Variants in UBA2 observed in about 807,000 individuals in gnomAD.
UBA2 encodes the protein ubiquitin like modifier activating enzyme 2.
In UBA2, 11 loss-of-function variants were observed where a neutral mutation model predicts 77.2. That is an observed-to-expected ratio of 0.14 (90% confidence interval 0.09 to 0.24). UBA2 has a LOEUF of 0.24. Ranked by LOEUF, UBA2 falls within the 10% of genes least tolerant of loss-of-function variation. UBA2 has a pLI of 1.00. For missense variants in UBA2, 487 were observed against 781.7 expected (o/e 0.62, Z 4.50); for synonymous variants, 278 against 276.7 (o/e 1.00, Z -0.05).
chr19:34,444,255 A>C (rs919276444), intron 7 of UBA2, among the ~76,000 whole-genome samples: 2 of 151,862 alleles, frequency 1.3e-5, no homozygotes, highest in African/African-American at 4.8e-5. Flanking sequence ...ACAGGGTTTC[A>C]CCATGTTAGC....
chr19:34,447,187 G>A (rs2075441503), intron 8 of UBA2, among the ~76,000 whole-genome samples: 1 of 152,244 alleles, frequency 6.6e-6, no homozygotes, highest in East Asian at 1.9e-4. Context: ...TGTAGGCTGG[G>A]AGGCTAGGCC....
chr19:34,431,135 A>G (rs1190538845), intron 2 of UBA2, among the ~76,000 whole-genome samples: 1 of 149,228 alleles, frequency 6.7e-6, no homozygotes, highest in Non-Finnish European at 1.5e-5. Flanking sequence ...TTTTTCTTTC[A>G]TATTTTGGCT....
rs562445002 is a variant in UBA2, at chr19:34,444,058, T to G, written c.649+147T>G. On this transcript the variant is annotated intron_variant, in intron 7 of 16. Coordinates refer to ENST00000246548, the MANE Select transcript of UBA2 (RefSeq NM_005499.3). ...GTTTTTTTTTTGTTTTTTTTTTTTTTTTTTTTTTTTGTCTCAGAGGTGGAG... is the reference window on the plus strand; with the variant it reads ...GTTTTTTTTTTGTTTTTTTTTTTTTGTTTTTTTTTTGTCTCAGAGGTGGAG... 6.5e-4 allele frequency: 310 copies of G among 475,264 alleles called. 6 individuals are homozygous for G. Among genetic ancestry groups the G allele is most frequent in the South Asian group, 1.3e-3 (53 of 40,450 alleles). The allele number at this position is 475,264 out of a possible 1,614,324, so 29.4% of individuals were successfully genotyped here.
At chr19:34,433,829 G>A (rs943311289) in intron 4 of UBA2, among the ~76,000 whole-genome samples, 1 of 152,156 alleles carries the variant, frequency 6.6e-6, no homozygotes, top group Non-Finnish European at 1.5e-5. Context: ...GTGGTGGCAT[G>A]TGCCTGTAGT....
At chr19:34,459,479 T>G (rs1021692100) in intron 13 of UBA2, among the ~76,000 whole-genome samples, 1 of 152,138 alleles carries the variant, frequency 6.6e-6, no homozygotes, top group Non-Finnish European at 1.5e-5. Context: ...TACACACTTA[T>G]CTAATATGAC....
chr19:34,453,234 A>G (rs1402290509), intron 10 of UBA2, among the ~76,000 whole-genome samples: 1 of 152,216 alleles, frequency 6.6e-6, no homozygotes, highest in African/African-American at 2.4e-5. Flanking sequence ...CAGCCAATAA[A>G]TACATAAAGA....
In UBA2 at chr19:34,466,110, C is replaced by T. The variant is rs530467813; in HGVS notation, c.1605-768C>T. Among the ~76,000 whole-genome samples the T allele has an allele frequency of 5.9e-5, 9 of 151,602 alleles. No individual in the cohort carries two copies. In the South Asian group the frequency reaches 1.3e-3, roughly 21 times the overall value. On this transcript the variant is annotated intron_variant, in intron 15 of 16. Transcript: ENST00000246548. ...CAGCACTTTGGGAGGCTGAGGCGGG[C>T]GGATCACAGGCTCAGGGGTTCAAAA...
chr19:34,451,534 CA>C (rs2075496106), intron 9 of UBA2, among the ~76,000 whole-genome samples: 1 of 118,574 alleles, frequency 8.4e-6, no homozygotes, highest in African/African-American at 3.0e-5. Context: ...TCAGGTTTAA[CA>C]GTTTTTTTTT....
intron 2 of UBA2, among the ~76,000 whole-genome samples, chr19:34,430,974 A>G (rs563197399): frequency 3.7e-4 from 56 of 152,238 alleles, no homozygotes; most frequent in South Asian, 2.7e-3. Context: ...TGGGGGCTAG[A>G]GGAGCGTTAT....
intron 12 of UBA2, among the ~76,000 whole-genome samples, chr19:34,457,676 A>C (rs1219626374): frequency 3.9e-5 from 6 of 152,098 alleles, no homozygotes; most frequent in Admixed American, 2.0e-4. Flanking sequence ...TCTCAGGGGA[A>C]TCCGTAGAGT....
chr19:34,446,816 A>G (rs1171708765), intron 8 of UBA2, among the ~76,000 whole-genome samples: 1 of 151,988 alleles, frequency 6.6e-6, no homozygotes, highest in Admixed American at 6.6e-5. Flanking sequence ...CATATTGGCC[A>G]GGCTGGTCTC....
chr19:34,435,628 G>A (rs188617132), intron 5 of UBA2, among the ~76,000 whole-genome samples: 1 of 151,268 alleles, frequency 6.6e-6, no homozygotes, highest in Non-Finnish European at 1.5e-5. Context: ...TCAGGAGTTC[G>A]AGACCAGCCT....
chr19:34,450,205 T>C, intron 8 of UBA2, 60 bp from the exon 9 acceptor site: 2 of 1,199,462 alleles, frequency 1.7e-6, no homozygotes, highest in Non-Finnish European at 2.4e-6. Flanking sequence ...CAATGACGTT[T>C]TCTTGTATCT....
At chr19:34,466,424 T>C (rs1599938251) in intron 15 of UBA2, among the ~76,000 whole-genome samples, 3 of 152,354 alleles carry the variant, frequency 2.0e-5, no homozygotes, top group East Asian at 3.9e-4. Context: ...CAAGAGTTGC[T>C]TTAGGCCACC....
At position 34,434,855 on chromosome 19, in the gene UBA2, G is replaced by A. The variant is rs1302448035; in HGVS notation, c.359-13G>A. ...TTTTTCCCAAAAACTCATACTGTTT[G>A]TTTTACTTCCAGCTGCCCGAAACCA... On this transcript the variant is annotated splice_polypyrimidine_tract_variant and intron_variant, in intron 4 of 16. Coordinates refer to ENST00000246548, the MANE Select transcript of UBA2 (RefSeq NM_005499.3). The A allele has an allele frequency of 1.3e-6, 2 of 1,583,976 alleles. No individual in the cohort carries two copies. The highest frequency in any genetic ancestry group is 8.6e-7 in the Non-Finnish European group (1 of 1,161,492).
rs1307742970 is a variant in UBA2, at chr19:34,469,797, T to C, written c.*576T>C. On this transcript the variant is annotated 3_prime_UTR_variant, in exon 17 of 17. Transcript: ENST00000246548. ...GTGTAAGAAGCCAATTTTTGTGTAT[T>C]GTTACAGTTTCAGGTTATTTATATT... The C allele has an allele frequency of 6.6e-6, 1 of 152,620 alleles. No homozygotes were observed. The highest frequency in any genetic ancestry group is 2.4e-5 in the African/African-American group (1 of 41,454). The allele number at this position is 152,620 out of a possible 1,614,324, so 9.5% of individuals were successfully genotyped here. A position where few individuals can be genotyped will look rare whatever the true frequency, so the allele number is the denominator to read the frequency against.
chr19:34,462,860 C>T (rs1180480308), intron 14 of UBA2, among the ~76,000 whole-genome samples: 6 of 152,032 alleles, frequency 3.9e-5, no homozygotes, highest in South Asian at 2.1e-4. Context: ...TTTGGGAGGC[C>T]GAGGTGGGTG....
Position 34,428,540 on chromosome 19 carries a change from C to G in UBA2, c.108C>G (p.Leu36=). 1 of 1,306,796 alleles carries G rather than the reference C, an allele frequency of 7.7e-7. No homozygotes were observed. Among genetic ancestry groups the G allele is most frequent in the Non-Finnish European group, 9.8e-7 (1 of 1,019,436 alleles). The allele number at this position is 1,306,796 out of a possible 1,614,324, so 81.0% of individuals were successfully genotyped here. ...TCGGCTGCGAGCTCCTCAAGAATCT[C>G]GTGCTCACCGGTTTCTCCCACATCG... ...GGIGCELLKN[L]VLTGFSHIDL... The change falls in exon 1 of 17, where the codon CTC becomes CTG. Residue 36 remains leucine, a synonymous_variant. Transcript: ENST00000246548.
intron 4 of UBA2, 133 bp from the exon 5 acceptor site, chr19:34,434,735 T>C (rs1555727002): frequency 3.1e-6 from 2 of 648,974 alleles, no homozygotes; most frequent in Non-Finnish European, 5.4e-6. Flanking sequence ...ACAGTTGTAT[T>C]ATTCTGGCCA....
Sources: allele counts gnomAD v4.1 joint callset (sites outside exome capture counted in the v4.1 genomes callset), GRCh38; gene constraint gnomAD v4.1.1; transcripts MANE v1.5; gene names NCBI Gene and HGNC (gene_info 2026-07-23, HGNC 2026-07-21).